Variants in CFAP300 observed in about 807,000 individuals in gnomAD.
The protein encoded by CFAP300 is cilia and flagella associated protein 300.
A neutral mutation model predicts 33.0 loss-of-function variants in CFAP300; 32 were observed. That is an observed-to-expected ratio of 0.97 (90% CI 0.73 to 1.30). The LOEUF is 1.30. Ranked by LOEUF, CFAP300 falls within the 50% of genes most tolerant of loss-of-function variation. The pLI is 0.00. For missense variants in CFAP300, 356 were observed against 318.1 expected (o/e 1.12, Z -0.90); for synonymous variants, 102 against 106.8 (o/e 0.95, Z 0.28).
chr11:102,080,718 A>T (rs139633938), intron 5 of CFAP300, among the ~76,000 whole-genome samples: 43 of 152,270 alleles, frequency 2.8e-4, no homozygotes, highest in African/African-American at 8.4e-4. Flanking sequence ...GTTTTTATAT[A>T]CATTATCTCA....
At chr11:102,082,964 T>C (rs1053977056) in intron 6 of CFAP300, 107 bp from the exon 7 acceptor site, 4 of 522,458 alleles carry the variant, frequency 7.7e-6, no homozygotes, top group Admixed American at 5.4e-5. Context: ...GCCACTGCAC[T>C]CCAGCCTGGG....
chr11:102,053,958 C>G (rs1030157931), intron 2 of CFAP300, among the ~76,000 whole-genome samples: 1 of 152,186 alleles, frequency 6.6e-6, no homozygotes, highest in African/African-American at 2.4e-5. Context: ...ACCATTTTCT[C>G]TCCCTTAAAA....
At position 102,075,764 on chromosome 11, in the gene CFAP300, G is replaced by T. The variant is rs1469468680; in HGVS notation, c.436-109G>T. On this transcript the variant is annotated intron_variant, in intron 4 of 6. Coordinates refer to ENST00000434758, the MANE Select transcript of CFAP300 (RefSeq NM_032930.3). ...ACTCTCTTCAGTTGACTCAAGATTGGTTCTTAAAATAGGTGTAAGATTATT... is the reference window on the plus strand; with the variant it reads ...ACTCTCTTCAGTTGACTCAAGATTGTTTCTTAAAATAGGTGTAAGATTATT... 6 of 808,716 alleles carry T rather than the reference G, an allele frequency of 7.4e-6. No individual in the cohort carries two copies. In the African/African-American group the frequency reaches 8.7e-5, roughly 12 times the overall value. 50.1% of individuals were successfully genotyped at this position (808,716 alleles called of 1,614,324 possible).
At chr11:102,079,296 G>A (rs1942441680) in intron 5 of CFAP300, among the ~76,000 whole-genome samples, 1 of 152,136 alleles carries the variant, frequency 6.6e-6, no homozygotes, top group Admixed American at 6.5e-5. Context: ...TTATATAGGT[G>A]TATGCAAAGT....
chr11:102,065,537 C>T (rs1031570324), intron 3 of CFAP300, among the ~76,000 whole-genome samples: 7 of 152,062 alleles, frequency 4.6e-5, no homozygotes, highest in East Asian at 2.0e-4. Context: ...GAAGCCGAGG[C>T]GGGCGGATCA....
At chr11:102,068,528 T>G (rs1195473464) in intron 4 of CFAP300, among the ~76,000 whole-genome samples, 1 of 152,238 alleles carries the variant, frequency 6.6e-6, no homozygotes, top group Non-Finnish European at 1.5e-5. Context: ...GGCTTACTTC[T>G]GTAATCCCAG....
intron 4 of CFAP300, among the ~76,000 whole-genome samples, chr11:102,071,520 T>C (rs1182729115): frequency 6.6e-6 from 1 of 152,198 alleles, no homozygotes; most frequent in Non-Finnish European, 1.5e-5. Context: ...TGTTCCTTTT[T>C]CTATTTTTGT....
intron 5 of CFAP300, among the ~76,000 whole-genome samples, chr11:102,078,563 A>G (rs971893067): frequency 6.6e-6 from 1 of 152,208 alleles, no homozygotes; most frequent in Non-Finnish European, 1.5e-5. Flanking sequence ...ATAAAAAATT[A>G]GACAAATTAT....
chr11:102,077,960 G>A (rs1226543315), intron 5 of CFAP300, among the ~76,000 whole-genome samples: 2 of 151,960 alleles, frequency 1.3e-5, no homozygotes, highest in Admixed American at 6.6e-5. Flanking sequence ...GCACAATCTC[G>A]ACTCACTGCA....
In CFAP300 at chr11:102,069,707, G is replaced by T. The variant is rs148533706; in HGVS notation, c.435+3056G>T. ...AATCCCAGCTACTAGGGAGGCTGAGGCAGGAGAATCGCTTGAACCCAGGAG... is the reference window on the plus strand; with the variant it reads ...AATCCCAGCTACTAGGGAGGCTGAGTCAGGAGAATCGCTTGAACCCAGGAG... On this transcript the variant is annotated intron_variant, in intron 4 of 6. Coordinates refer to ENST00000434758, the MANE Select transcript of CFAP300 (RefSeq NM_032930.3). Among the ~76,000 whole-genome samples, 81 of 152,250 alleles carry T rather than the reference G, an allele frequency of 5.3e-4. 1 individual carries two copies. The East Asian group carries it at 0.014, about 26-fold the overall frequency.
chr11:102,059,211 T>G (rs540214562), intron 3 of CFAP300, among the ~76,000 whole-genome samples: 1 of 152,272 alleles, frequency 6.6e-6, no homozygotes, highest in Admixed American at 6.5e-5. Context: ...ATTTTCCATG[T>G]ACTCTGCTAG....
intron 4 of CFAP300, among the ~76,000 whole-genome samples, chr11:102,071,144 A>G (rs1274142734): frequency 6.6e-6 from 1 of 152,264 alleles, no homozygotes; most frequent in Non-Finnish European, 1.5e-5. Flanking sequence ...GAATTTCCCA[A>G]CTATTACTGT....
intron 2 of CFAP300, among the ~76,000 whole-genome samples, chr11:102,054,982 T>TG (rs1942027949): frequency 8.2e-6 from 1 of 121,484 alleles, no homozygotes; most frequent in Non-Finnish European, 1.7e-5. Context: ...AGTTTGATAT[T>TG]CTTTTTTTTT....
chr11:102,049,561 TA>T (rs1048556761), intron 2 of CFAP300, among the ~76,000 whole-genome samples: 35 of 152,182 alleles, frequency 2.3e-4, no homozygotes, highest in African/African-American at 8.4e-4. Context: ...CATTATATTA[TA>T]ATGCTACTGA....
chr11:102,060,534 A>G (rs1192977034), intron 3 of CFAP300, among the ~76,000 whole-genome samples: 2 of 151,924 alleles, frequency 1.3e-5, no homozygotes, highest in African/African-American at 2.4e-5. Flanking sequence ...CCCTTCAATA[A>G]CTCTTGGGAC....
intron 3 of CFAP300, 37 bp downstream of exon 3, chr11:102,058,992 C>T (rs1476965136): frequency 7.9e-7 from 1 of 1,272,216 alleles, no homozygotes; most frequent in East Asian, 2.5e-5. Context: ...TACTATTTTA[C>T]TATTATAAGA....
At position 102,064,688 on chromosome 11, in the gene CFAP300, C is replaced by T. The variant is rs140504010; in HGVS notation, c.269-1797C>T. 5.8e-4 allele frequency among the ~76,000 whole-genome samples: 88 copies of T among 152,232 alleles called. 1 individual carries two copies. Among genetic ancestry groups the T allele is most frequent in the Middle Eastern group, 3.4e-3 (1 of 294 alleles). ...AAATGTATCCAGGGTAGGGATACAC[C>T]GAGGGCCACCACACCTAGGTCTACA... On this transcript the variant is annotated intron_variant, in intron 3 of 6. Coordinates refer to ENST00000434758, the MANE Select transcript of CFAP300 (RefSeq NM_032930.3).
At chr11:102,079,583 C>T (rs1410883066) in intron 5 of CFAP300, among the ~76,000 whole-genome samples, 1 of 152,148 alleles carries the variant, frequency 6.6e-6, no homozygotes, top group Non-Finnish European at 1.5e-5. Context: ...ACACACACAC[C>T]GCTCAAACTG....
In CFAP300 at chr11:102,058,861, C is replaced by T; in HGVS notation, c.193-19C>T. The T allele has an allele frequency of 7.1e-7, 1 of 1,412,270 alleles. No individual in the cohort carries two copies. Among genetic ancestry groups the T allele is most frequent in the Middle Eastern group, 2.2e-4 (1 of 4,552 alleles). The allele number at this position is 1,412,270 out of a possible 1,614,324, so 87.5% of individuals were successfully genotyped here. A position where few individuals can be genotyped will look rare whatever the true frequency, so the allele number is the denominator to read the frequency against. On this transcript the variant is annotated intron_variant, in intron 2 of 6. Transcript: ENST00000434758. Reference sequence around the variant, plus strand: ...TATAATAAAATATCTAACTTATTCCCCTCAAATTTGTATTTTAGGCTTTTT... The same window carrying T: ...TATAATAAAATATCTAACTTATTCCTCTCAAATTTGTATTTTAGGCTTTTT...
Sources: gnomAD v4.1 joint callset for allele counts (sites outside exome capture counted in the v4.1 genomes callset) on GRCh38, gnomAD v4.1.1 for gene constraint, MANE v1.5 for transcripts, NCBI Gene and HGNC (gene_info 2026-07-23, HGNC 2026-07-21) for gene names.